ADAM21: variants seen among roughly 807,000 people sequenced by gnomAD.
ADAM21 encodes ADAM metallopeptidase domain 21, also known as disintegrin and metalloproteinase domain-containing protein 21.
For missense variants in ADAM21, 678 were observed against 874.4 expected (o/e 0.78, Z 2.83); for synonymous variants, 262 against 306.0 (o/e 0.86, Z 1.50).
rs576018766 is a variant in ADAM21, at chr14:70,457,767, T to G, written c.268T>G (p.Phe90Val). ...CTTAGTTTCTAGACACCTCCCAGTG[T>G]TCACCTACACAGATGACCGTGCACT... ...KLLVSRHLPV[F>V]TYTDDRALLE... is the part of the protein sequence containing the mutation. Residue 90 changes from phenylalanine (F) to valine (V), a missense_variant, in exon 2 of 2, where the codon TTC becomes GTC. Phe to Val is a conservative substitution (Grantham distance 50, BLOSUM62 -1). Transcript: ENST00000603540. The G allele has an allele frequency of 1.9e-5, 30 of 1,613,228 alleles. No homozygotes were observed. The Admixed American group carries it at 4.0e-4, about 22-fold the overall frequency.
chr14:70,452,363 T>TTTG (rs1566635196), intron 1 of ADAM21, 100 bp downstream of exon 1: 1 of 153,482 alleles, frequency 6.5e-6, no homozygotes, highest in Non-Finnish European at 1.4e-5. Context: ...TTTTCATTTT[T>TTTG]TTTGTTTGTT....
Position 70,458,419 on chromosome 14 carries a change from T to C in ADAM21, c.920T>C (p.Leu307Pro). The part of the protein sequence containing the change: ...MFIKNSLISI[L>P]GLAYVAGICR... ...ATAAAAAATTCACTTATAAGTATAC[T>C]TGGCCTAGCCTATGTTGCAGGAATA... The change falls in exon 2 of 2, where the codon CTT becomes CCT. Residue 307 changes from leucine to proline, a missense_variant. By Grantham distance (98) the Leu-to-Pro change is moderately conservative. Coordinates refer to ENST00000603540, the MANE Select transcript of ADAM21 (RefSeq NM_003813.4). The C allele has an allele frequency of 6.2e-7, 1 of 1,614,216 alleles. No individual in the cohort carries two copies. The highest frequency in any genetic ancestry group is 8.5e-7 in the Non-Finnish European group (1 of 1,180,032).
In ADAM21 at chr14:70,457,922, C is replaced by A. The variant is rs751932101; in HGVS notation, c.423C>A (p.Leu141=). ...GAGGAGTATTAAAAATAAGTGGCCT[C>A]ACTTATGAAATTGAACCCATCAGGC... ...GFRGVLKISG[L]TYEIEPIRHS... The change falls in exon 2 of 2, where the codon CTC becomes CTA. Residue 141 remains leucine, a synonymous_variant. Coordinates refer to ENST00000603540, the MANE Select transcript of ADAM21 (RefSeq NM_003813.4). The A allele has an allele frequency of 6.2e-7, 1 of 1,614,098 alleles. No homozygotes were observed. The highest frequency in any genetic ancestry group is 1.1e-5 in the South Asian group (1 of 91,076).
intron 1 of ADAM21, 143 bp from the exon 2 acceptor site, chr14:70,457,206 C>T: frequency 5.9e-6 from 2 of 341,182 alleles, no homozygotes; most frequent in East Asian, 7.0e-5. Context: ...CTCTATACCC[C>T]CTAAATCCCC....
intron 1 of ADAM21, among the ~76,000 whole-genome samples, chr14:70,457,045 GAT>G (rs903805235): frequency 4.7e-4 from 72 of 152,264 alleles, no homozygotes; most frequent in African/African-American, 1.7e-3. Context: ...TGGACAATTT[GAT>G]ATATAGAGTC....
In ADAM21 at chr14:70,459,355, G is replaced by C. The variant is rs1253958590; in HGVS notation, c.1856G>C (p.Cys619Ser). 1 of 1,614,212 alleles carries C rather than the reference G, an allele frequency of 6.2e-7. No homozygotes were observed. The highest frequency in any genetic ancestry group is 2.2e-5 in the East Asian group (1 of 44,890). The change falls in exon 2 of 2, where the codon TGC (cysteine) becomes TCC (serine). Residue 619 changes from cysteine (C) to serine (S), a missense_variant. Transcript: ENST00000603540. ...DGTVCGPGKICIHKKCVSLSV... is the reference protein window; with the variant it reads ...DGTVCGPGKISIHKKCVSLSV... ...ACTGTGTGTGGCCCAGGAAAGATCTGCATCCATAAGAAGTGTGTCAGTCTG... is the reference window on the plus strand; with the variant it reads ...ACTGTGTGTGGCCCAGGAAAGATCTCCATCCATAAGAAGTGTGTCAGTCTG...
At position 70,457,406 on chromosome 14, in the gene ADAM21, C is replaced by T. The variant is rs1418599226; in HGVS notation, c.-94C>T. ...CAGATCCACAGGGTCAGCCCTGCAT[C>T]CTGAGCAGCTTAGAGGGAGAAGCCA... On this transcript the variant is annotated 5_prime_UTR_variant, in exon 2 of 2. Transcript: ENST00000603540. 1 of 1,576,140 alleles carries T rather than the reference C, an allele frequency of 6.3e-7. No individual in the cohort carries two copies. The highest frequency in any genetic ancestry group is 8.7e-7 in the Non-Finnish European group (1 of 1,154,384).
chr14:70,458,259 A>C lies in ADAM21; in HGVS notation c.760A>C (p.Ile254Leu). 1 of 1,614,030 alleles carries C rather than the reference A, an allele frequency of 6.2e-7. No homozygotes were observed. Among genetic ancestry groups the C allele is most frequent in the Non-Finnish European group, 8.5e-7 (1 of 1,180,000 alleles). ...GTATAAGCAGTTAGGTACTTACATA[A>C]TTTTGATTGGAATTGAAATTTGGAA... is the stretch of plus-strand genomic sequence containing the variant. The part of the protein sequence containing the change: ...SMYKQLGTYI[I>L]LIGIEIWNQG... The change falls in exon 2 of 2, where the codon ATT becomes CTT. Residue 254 changes from isoleucine (I) to leucine (L), a missense_variant. Transcript: ENST00000603540.
At chr14:70,457,039 C>T (rs555370920) in intron 1 of ADAM21, among the ~76,000 whole-genome samples, 1 of 152,154 alleles carries the variant, frequency 6.6e-6, no homozygotes, top group Admixed American at 6.5e-5. Context: ...TTATCTTGGA[C>T]AATTTGATAT....
chr14:70,459,456 T>C lies in ADAM21; in HGVS notation c.1957T>C (p.Cys653Arg), dbSNP rs1882491015. 5 of 1,614,226 alleles carry C rather than the reference T, an allele frequency of 3.1e-6. No individual in the cohort carries two copies. The highest frequency in any genetic ancestry group is 4.2e-6 in the Non-Finnish European group (5 of 1,180,030). The stretch of plus-strand genomic sequence containing the variant: ...CTGCAATAACAAACATCACTGCCAC[T>C]GTGGCTATGGGTGGTCCCCACCCTA... ...GICNNKHHCH[C>R]GYGWSPPYCQ... The change falls in exon 2 of 2, where the codon TGT (cysteine) becomes CGT (arginine). Residue 653 changes from cysteine to arginine, a missense_variant. Cys to Arg is a radical substitution (Grantham distance 180). Coordinates refer to ENST00000603540, the MANE Select transcript of ADAM21 (RefSeq NM_003813.4).
In ADAM21 at chr14:70,457,802, T is replaced by C. The variant is rs768366519; in HGVS notation, c.303T>C (p.Asp101=). The change falls in exon 2 of 2, where the codon GAT becomes GAC. Residue 101 remains aspartate, a synonymous_variant. Transcript: ENST00000603540. The stretch of plus-strand genomic sequence containing the variant: ...CAGATGACCGTGCACTCCTGGAGGA[T>C]CAGCTCTTCATCCCAGATGACTGTT... ...TYTDDRALLE[D]QLFIPDDCYY... The C allele has an allele frequency of 5.1e-5, 82 of 1,613,380 alleles. 1 individual carries two copies. Among genetic ancestry groups the C allele is most frequent in the Admixed American group, 4.2e-4 (25 of 59,980 alleles).
At chr14:70,454,693 T>C (rs546566524) in intron 1 of ADAM21, among the ~76,000 whole-genome samples, 3 of 152,292 alleles carry the variant, frequency 2.0e-5, no homozygotes, top group Admixed American at 6.5e-5. Context: ...TGGGCTGAAT[T>C]ACACTGAAGA....
In ADAM21 at chr14:70,457,595, G is replaced by T; in HGVS notation, c.96G>T (p.Gly32=). Residue 32 remains glycine (G), a synonymous_variant, in exon 2 of 2, where the codon GGG becomes GGT. Coordinates refer to ENST00000603540, the MANE Select transcript of ADAM21 (RefSeq NM_003813.4). ...CTATTTCCGGCTACTGTCAGGCTGG[G>T]CCCTCCCAGCATTTCACTTCCCCGG... The part of the protein sequence containing the change: ...FLSISGYCQA[G]PSQHFTSPEV... 2 of 1,613,800 alleles carry T rather than the reference G, an allele frequency of 1.2e-6. No individual in the cohort carries two copies. Among genetic ancestry groups the T allele is most frequent in the East Asian group, 2.2e-5 (1 of 44,870 alleles).
In ADAM21 at chr14:70,459,310, T is replaced by C. The variant is rs767220364; in HGVS notation, c.1811T>C (p.Ile604Thr). The change falls in exon 2 of 2, where the codon ATT (isoleucine) becomes ACT (threonine). Residue 604 changes from isoleucine to threonine, a missense_variant. Ile to Thr is a moderately conservative substitution (Grantham distance 89). Transcript: ENST00000603540. ...CATTTAAGGATGAACATATCTGACA[T>C]TGGTGAAGTGAAAGATGGTACTGTG... ...DYHLRMNISD[I>T]GEVKDGTVCG... The C allele has an allele frequency of 4.3e-6, 7 of 1,614,082 alleles. No individual in the cohort carries two copies. Among genetic ancestry groups the C allele is most frequent in the Admixed American group, 1.7e-5 (1 of 60,004 alleles).
chr14:70,453,122 C>T (rs8013270), intron 1 of ADAM21, among the ~76,000 whole-genome samples: 9,695 of 151,946 alleles, frequency 0.064, 354 homozygotes, highest in Middle Eastern at 0.11. Context: ...ACACTTACAC[C>T]CCACATATTT....
At position 70,458,147 on chromosome 14, in the gene ADAM21, G is replaced by C. The variant is rs1882451609; in HGVS notation, c.648G>C (p.Val216=). The C allele has an allele frequency of 6.2e-7, 1 of 1,613,640 alleles. No individual in the cohort carries two copies. The highest frequency in any genetic ancestry group is 8.5e-7 in the Non-Finnish European group (1 of 1,179,822). Reference sequence around the variant, plus strand: ...GGTTTCTGGAGCTAGTTGTTGTGGTGAACCATGATTTCTTCATTTACTCTC... The same window carrying C: ...GGTTTCTGGAGCTAGTTGTTGTGGTCAACCATGATTTCTTCATTTACTCTC... The part of the protein sequence containing the change: ...HAWFLELVVV[V]NHDFFIYSQS... The change falls in exon 2 of 2, where the codon GTG becomes GTC. Residue 216 remains valine (V), a synonymous_variant. Transcript: ENST00000603540.
At position 70,452,201 on chromosome 14, in the gene ADAM21, G is replaced by T. The variant is rs968946556; in HGVS notation, c.-214G>T. On this transcript the variant is annotated 5_prime_UTR_variant, in exon 1 of 2. Coordinates refer to ENST00000603540, the MANE Select transcript of ADAM21 (RefSeq NM_003813.4). Reference sequence around the variant, plus strand: ...TCTGTGGCCTCAGCTACAAACCATTGATAAAGCATGGTATAAACCATCTAG... The same window carrying T: ...TCTGTGGCCTCAGCTACAAACCATTTATAAAGCATGGTATAAACCATCTAG... 1 of 152,190 alleles carries T rather than the reference G, an allele frequency of 6.6e-6. No homozygotes were observed. Among genetic ancestry groups the T allele is most frequent in the Non-Finnish European group, 1.5e-5 (1 of 68,044 alleles). 9.4% of individuals were successfully genotyped at this position (152,190 alleles called of 1,614,324 possible).
chr14:70,459,547 T>C lies in ADAM21; in HGVS notation c.2048T>C (p.Phe683Ser). ...SGPASAKRGV[F>S]LPLIVIPSLS... ...CCAGCATCTGCAAAGAGAGGAGTTT[T>C]TTTGCCGCTGATTGTGATTCCTTCT... The change falls in exon 2 of 2, where the codon TTT (phenylalanine) becomes TCT (serine). Residue 683 changes from phenylalanine to serine, a missense_variant. Physicochemically the swap from Phe to Ser is radical, Grantham distance 155 (BLOSUM62 -2). Transcript: ENST00000603540. 1 of 1,614,224 alleles carries C rather than the reference T, an allele frequency of 6.2e-7. No homozygotes were observed. The highest frequency in any genetic ancestry group is 8.5e-7 in the Non-Finnish European group (1 of 1,180,034).
Position 70,458,738 on chromosome 14 carries a change from G to A in ADAM21, c.1239G>A (p.Val413=). ...IFMLKRCGNG[V]VEREEQCDCG... ...TGCTAAAGCGCTGTGGGAATGGTGT[G>A]GTTGAAAGAGAAGAGCAGTGTGACT... Residue 413 remains valine (V), a synonymous_variant, in exon 2 of 2, where the codon GTG becomes GTA. Transcript: ENST00000603540. 2 of 1,614,096 alleles carry A rather than the reference G, an allele frequency of 1.2e-6. No individual in the cohort carries two copies. Among genetic ancestry groups the A allele is most frequent in the South Asian group, 2.2e-5 (2 of 91,066 alleles).
Sources: allele counts gnomAD v4.1 joint callset (sites outside exome capture counted in the v4.1 genomes callset), GRCh38; gene constraint gnomAD v4.1.1; transcripts MANE v1.5; gene names NCBI Gene and HGNC (gene_info 2026-07-23, HGNC 2026-07-21).